RASGRP3: variants seen among roughly 807,000 people sequenced by gnomAD.
RASGRP3 encodes the protein ras guanyl-releasing protein 3.
Under a neutral mutation model 82.7 loss-of-function variants are expected in RASGRP3, and 54 were observed. The ratio of observed to expected loss-of-function variants is 0.65; its 90% CI spans 0.52 to 0.82. RASGRP3 has a LOEUF of 0.82. RASGRP3 is among the 40% of genes least tolerant of loss of function. The pLI, the probability that RASGRP3 is intolerant of heterozygous loss-of-function variation, is 0.00. For synonymous variants in RASGRP3, 309 were observed against 300.5 expected (o/e 1.03, Z -0.29); for missense variants, 861 against 828.9 (o/e 1.04, Z -0.48).
chr2:33,539,933 A>C (rs1674073139), intron 12 of RASGRP3: 1 of 151,626 alleles, frequency 6.6e-6, no homozygotes, highest in African/African-American at 2.4e-5. Flanking sequence ...GCTTGCAGTG[A>C]GGTGAGATCG....
At chr2:33,504,746 G>A (rs1348452673) in intron 1 of RASGRP3, among the ~76,000 whole-genome samples, 1 of 152,160 alleles carries the variant, frequency 6.6e-6, no homozygotes, top group Non-Finnish European at 1.5e-5. Context: ...TCCATGCAAT[G>A]TCTTCATTCC....
Position 33,564,484 on chromosome 2 carries a change from C to A in RASGRP3, c.*1747C>A, listed in dbSNP as rs1167665173. 1 of 152,160 alleles carries A rather than the reference C, an allele frequency of 6.6e-6. No homozygotes were observed. Among genetic ancestry groups the A allele is most frequent in the Non-Finnish European group, 1.5e-5 (1 of 68,026 alleles). The allele number at this position is 152,160 out of a possible 1,614,324, so 9.4% of individuals were successfully genotyped here. On this transcript the variant is annotated 3_prime_UTR_variant, in exon 18 of 18. Coordinates refer to ENST00000403687, the MANE Select transcript of RASGRP3 (RefSeq NM_001139488.2). ...AATGCAATAATATGCATGTTAACAA[C>A]ATTAAAAACAGCAAACAGCAATCTA...
chr2:33,475,074 G>C (rs1369896291), upstream of RASGRP3, among the ~76,000 whole-genome samples: 1 of 152,172 alleles, frequency 6.6e-6, no homozygotes, highest in Non-Finnish European at 1.5e-5. Flanking sequence ...TCCTCAGTAG[G>C]CCTCTTTTTC....
intron 14 of RASGRP3, among the ~76,000 whole-genome samples, chr2:33,550,378 AG>A (rs1415251886): frequency 1.3e-5 from 2 of 152,200 alleles, no homozygotes; most frequent in Non-Finnish European, 2.9e-5. Flanking sequence ...AGGATTGCAC[AG>A]CTAATCATTA....
At chr2:33,547,001 A>G (rs1315949244) in intron 13 of RASGRP3, among the ~76,000 whole-genome samples, 1 of 149,238 alleles carries the variant, frequency 6.7e-6, no homozygotes, top group Non-Finnish European at 1.5e-5. Flanking sequence ...GTGAGCCAAG[A>G]TCGCACCATT....
At chr2:33,540,576 G>T (rs1270518260) in intron 12 of RASGRP3, among the ~76,000 whole-genome samples, 2,643 of 62,226 alleles carry the variant, frequency 0.042, 177 homozygotes, top group African/African-American at 0.09. Flanking sequence ...GTGTGTGTGT[G>T]TGTGTGTGTG....
chr2:33,549,303 A>G (rs185108475), intron 13 of RASGRP3, among the ~76,000 whole-genome samples: 1 of 151,974 alleles, frequency 6.6e-6, no homozygotes, highest in Non-Finnish European at 1.5e-5. Flanking sequence ...GCTGCTTTTC[A>G]TAATAAAGAC....
chr2:33,459,279 C>G (rs576457142), intron 2 of RASGRP3, among the ~76,000 whole-genome samples: 2 of 151,638 alleles, frequency 1.3e-5, no homozygotes, highest in Admixed American at 1.3e-4. Context: ...GGACTACAGG[C>G]GCCCGCCACC....
At chr2:33,516,849 A>G (rs1336445936) in intron 4 of RASGRP3, 1 of 418,032 alleles carries the variant, frequency 2.4e-6, no homozygotes, top group African/African-American at 2.0e-5. Flanking sequence ...TTTTGGCTGT[A>G]CTTGAAAATA....
intron 2 of RASGRP3, among the ~76,000 whole-genome samples, chr2:33,513,385 G>GT (rs1269269907): frequency 1.3e-5 from 2 of 152,108 alleles, no homozygotes; most frequent in African/African-American, 4.8e-5. Context: ...TCATTCACAT[G>GT]TTTGTTTTCT....
In RASGRP3 at chr2:33,454,208, G is replaced by A. The variant is rs910848122; in HGVS notation, c.-261+6265G>A. ...GGATTGAAATGGCTGTATTTTCACT[G>A]TCTTCTTCTTCTACTTTTTAAGTAA... On this transcript the variant is annotated intron_variant, in intron 2 of 18. Transcript: ENST00000402538. 2.0e-5 allele frequency among the ~76,000 whole-genome samples: 3 copies of A among 151,976 alleles called. No homozygotes were observed. In the East Asian group the frequency reaches 5.8e-4, roughly 29 times the overall value.
At chr2:33,476,208 A>T (rs1011965253), upstream of RASGRP3, 5 of 152,116 alleles carry the variant, frequency 3.3e-5, no homozygotes, top group African/African-American at 1.2e-4. Flanking sequence ...GAAACCAAAC[A>T]GTTGTACTCC....
chr2:33,524,032 A>G lies in RASGRP3; in HGVS notation c.670A>G (p.Lys224Glu). The part of the protein sequence containing the change: ...TPQQRAEVIT[K>E]FINVAKKLLQ... ...CCAGCAAAGGGCAGAAGTCATCACA[A>G]AGTTTATCAATGTTGCAAAGGTATG... Residue 224 changes from lysine (K) to glutamate (E), a missense_variant, in exon 8 of 18, where the codon AAG (lysine) becomes GAG (glutamate). By Grantham distance (56) the Lys-to-Glu change is moderately conservative. Transcript: ENST00000403687. 1.2e-6 allele frequency: 2 copies of G among 1,613,916 alleles called. No homozygotes were observed. Among genetic ancestry groups the G allele is most frequent in the Non-Finnish European group, 1.7e-6 (2 of 1,179,848 alleles).
upstream of RASGRP3, among the ~76,000 whole-genome samples, chr2:33,474,886 G>A (rs1251372626): frequency 1.4e-4 from 21 of 152,292 alleles, no homozygotes; most frequent in Admixed American, 1.0e-3. Context: ...GGCTGTTGTC[G>A]CTGTTGGGCA....
chr2:33,475,962 G>C (rs1441931602), upstream of RASGRP3, among the ~76,000 whole-genome samples: 1 of 152,196 alleles, frequency 6.6e-6, no homozygotes, highest in Non-Finnish European at 1.5e-5. Flanking sequence ...CGGAAGTTTG[G>C]TCTAAAGCTA....
At chr2:33,548,926 T>G (rs1471093376) in intron 13 of RASGRP3, among the ~76,000 whole-genome samples, 1 of 152,116 alleles carries the variant, frequency 6.6e-6, no homozygotes, top group Non-Finnish European at 1.5e-5. Context: ...TGACCTCAAG[T>G]GATCCGCCCA....
At chr2:33,475,832 C>G (rs1410812321), upstream of RASGRP3, among the ~76,000 whole-genome samples, 2 of 152,156 alleles carry the variant, frequency 1.3e-5, no homozygotes, top group Non-Finnish European at 2.9e-5. Context: ...TCCCAGCACA[C>G]CAAAGGGGGC....
At chr2:33,548,622 A>G (rs1173655664) in intron 13 of RASGRP3, among the ~76,000 whole-genome samples, 1 of 152,100 alleles carries the variant, frequency 6.6e-6, no homozygotes, top group Non-Finnish European at 1.5e-5. Context: ...TCTGAACTGG[A>G]AAGGAAAGGT....
rs1008429612 is a variant in RASGRP3 at position 33,502,459 on chromosome 2, T to A, written c.-260-9251T>A. On this transcript the variant is annotated intron_variant, in intron 1 of 17. Transcript: ENST00000403687. ...AACCTACCAACAACATCCTTATTCC[T>A]ATTCCTTGGTCTCTTTTAACTGTCT... Among the ~76,000 whole-genome samples the A allele has an allele frequency of 2.1e-4, 32 of 152,106 alleles. 1 individual carries two copies. Among genetic ancestry groups the A allele is most frequent in the Non-Finnish European group, 5.9e-5 (4 of 68,024 alleles).
Sources: allele counts gnomAD v4.1 joint callset (sites outside exome capture counted in the v4.1 genomes callset), GRCh38; gene constraint gnomAD v4.1.1; transcripts MANE v1.5; gene names NCBI Gene and HGNC (gene_info 2026-07-23, HGNC 2026-07-21).